SLC49A4: variants seen among roughly 807,000 people sequenced by gnomAD.
SLC49A4 encodes disrupted in renal cancer protein 2.
A neutral mutation model predicts 50.6 loss-of-function variants in SLC49A4; 36 were observed. That is an observed-to-expected ratio of 0.71 (90% confidence interval 0.55 to 0.94). SLC49A4 has a LOEUF of 0.94. SLC49A4 is among the 40% of genes least tolerant of loss of function. The pLI, the probability that SLC49A4 is intolerant of heterozygous loss-of-function variation, is 0.00. For synonymous variants in SLC49A4, 248 were observed against 241.2 expected, an observed-to-expected ratio of 1.03 and a Z score of -0.26; for missense variants, 503 against 605.7, an observed-to-expected ratio of 0.83 and a Z score of 1.78.
chr3:122,845,827 TCTGGAGTTCTGGA>T lies in SLC49A4; in HGVS notation c.901_913del (p.Gly301Ter). The stretch of plus-strand genomic sequence containing the variant: ...ACCACTTGGTGTATTTGCTGGCTGG[TCTGGAGTTCTGGA>T]CTTAATTTTAACACCAGCGCATGTC... On this transcript the variant is annotated frameshift_variant, in exon 5 of 9. Transcript: ENST00000261038. LOFTEE classifies it high-confidence loss of function. The T allele has an allele frequency of 1.9e-6, 3 of 1,612,808 alleles. No homozygotes were observed. Among genetic ancestry groups the T allele is most frequent in the African/African-American group, 1.3e-5 (1 of 75,004 alleles).
intron 2 of SLC49A4, among the ~76,000 whole-genome samples, chr3:122,811,419 T>C (rs1006368308): frequency 1.3e-5 from 2 of 152,158 alleles, no homozygotes; most frequent in African/African-American, 4.8e-5. Context: ...ATGAAAAAAA[T>C]TGATAATGTT....
chr3:122,868,174 T>C (rs1937144405), intron 7 of SLC49A4, among the ~76,000 whole-genome samples: 1 of 151,966 alleles, frequency 6.6e-6, no homozygotes, highest in South Asian at 2.1e-4. Context: ...AGTAATTTGG[T>C]TTTTTACGGG....
At chr3:122,821,906 T>C (rs144404280) in intron 2 of SLC49A4, among the ~76,000 whole-genome samples, 4 of 152,326 alleles carry the variant, frequency 2.6e-5, no homozygotes, top group African/African-American at 9.6e-5. Context: ...TTGTTAAAAT[T>C]TATCAATAGA....
intron 8 of SLC49A4, among the ~76,000 whole-genome samples, chr3:122,874,078 G>A (rs996612543): frequency 1.1e-4 from 16 of 152,154 alleles, no homozygotes; most frequent in Non-Finnish European, 2.9e-5. Context: ...GCCAGATAAT[G>A]TTATCCCCCA....
chr3:122,817,329 C>G (rs909164335), intron 2 of SLC49A4, among the ~76,000 whole-genome samples: 2 of 152,186 alleles, frequency 1.3e-5, no homozygotes, highest in African/African-American at 4.8e-5. Context: ...GCGGCCACTA[C>G]AAGCTGGAAA....
intron 2 of SLC49A4, among the ~76,000 whole-genome samples, chr3:122,815,707 C>T (rs1936355964): frequency 6.6e-6 from 1 of 152,198 alleles, no homozygotes; most frequent in Non-Finnish European, 1.5e-5. Context: ...TCTATCAGAT[C>T]TTTGTGGCTC....
intron 7 of SLC49A4, among the ~76,000 whole-genome samples, chr3:122,861,952 C>G (rs534371075): frequency 2.0e-5 from 3 of 152,268 alleles, no homozygotes; most frequent in Non-Finnish European, 4.4e-5. Context: ...GACATCGTAT[C>G]TTTGCAAAGT....
intron 5 of SLC49A4, among the ~76,000 whole-genome samples, chr3:122,852,578 C>G (rs543082115): frequency 6.6e-6 from 1 of 152,202 alleles, no homozygotes; most frequent in East Asian, 1.9e-4. Context: ...TTTTTTCTGG[C>G]AGAAGTCTGA....
intron 7 of SLC49A4, among the ~76,000 whole-genome samples, chr3:122,867,661 A>G (rs1310127481): frequency 6.6e-6 from 1 of 152,208 alleles, no homozygotes; most frequent in Admixed American, 6.5e-5. Flanking sequence ...CTGATCCCCA[A>G]AGTTTTTAGT....
At chr3:122,798,444 T>A (rs1306850764) in intron 1 of SLC49A4, among the ~76,000 whole-genome samples, 1 of 152,072 alleles carries the variant, frequency 6.6e-6, no homozygotes, top group Non-Finnish European at 1.5e-5. Context: ...GAATTCAATT[T>A]TATATTTTCC....
chr3:122,858,557 C>T (rs1306598795), intron 6 of SLC49A4, among the ~76,000 whole-genome samples: 1 of 152,144 alleles, frequency 6.6e-6, no homozygotes, highest in East Asian at 1.9e-4. Context: ...CAAAAGATGG[C>T]ATCAGCTCTC....
intron 7 of SLC49A4, among the ~76,000 whole-genome samples, chr3:122,866,606 A>G (rs1342172485): frequency 1.3e-5 from 2 of 152,214 alleles, no homozygotes; most frequent in African/African-American, 4.8e-5. Context: ...GGAGCAACAT[A>G]GCTTGCAGAG....
chr3:122,876,646 G>A (rs114876108), intron 8 of SLC49A4, among the ~76,000 whole-genome samples: 1 of 152,168 alleles, frequency 6.6e-6, no homozygotes, highest in African/African-American at 2.4e-5. Context: ...AAAGAAAATA[G>A]GAAGTTTGTT....
intron 2 of SLC49A4, among the ~76,000 whole-genome samples, chr3:122,825,172 C>T (rs932415491): frequency 8.5e-5 from 13 of 152,160 alleles, no homozygotes; most frequent in African/African-American, 3.1e-4. Context: ...AGTCTAATAC[C>T]TCATTAAAAG....
At chr3:122,809,075 C>CAG (rs2107558073) in intron 2 of SLC49A4, among the ~76,000 whole-genome samples, 1 of 152,260 alleles carries the variant, frequency 6.6e-6, no homozygotes, top group South Asian at 2.1e-4. Flanking sequence ...ATGGGGAACA[C>CAG]AGAAGTGGGG....
intron 7 of SLC49A4, among the ~76,000 whole-genome samples, chr3:122,870,361 A>G (rs1937181204): frequency 6.6e-6 from 1 of 151,442 alleles, no homozygotes; most frequent in Admixed American, 6.6e-5. Flanking sequence ...TTATTTAAAA[A>G]AAAACTTTAT....
chr3:122,810,123 G>T (rs920990033), intron 2 of SLC49A4, among the ~76,000 whole-genome samples: 21 of 152,172 alleles, frequency 1.4e-4, no homozygotes, highest in African/African-American at 4.3e-4. Context: ...TTTTGACCCA[G>T]CCTTTTGGAA....
At chr3:122,878,009 T>C (rs989380932) in intron 8 of SLC49A4, among the ~76,000 whole-genome samples, 1 of 152,336 alleles carries the variant, frequency 6.6e-6, no homozygotes, top group East Asian at 1.9e-4. Flanking sequence ...GGGGAGTCTG[T>C]ATTTGTGAGC....
chr3:122,844,994 C>T (rs908546786), intron 4 of SLC49A4, among the ~76,000 whole-genome samples: 6 of 151,836 alleles, frequency 4.0e-5, no homozygotes, highest in South Asian at 4.2e-4. Context: ...GCTCAGGGTA[C>T]GTGTGCAGAT....
Sources: allele counts gnomAD v4.1 joint callset (sites outside exome capture counted in the v4.1 genomes callset), GRCh38; gene constraint gnomAD v4.1.1; transcripts MANE v1.5; gene names NCBI Gene and HGNC (gene_info 2026-07-23, HGNC 2026-07-21).